Variants in ANO3 observed in about 807,000 individuals in gnomAD.
ANO3 encodes anoctamin 3.
In ANO3, 99 loss-of-function variants were observed where a neutral mutation model predicts 144.8. That is an observed-to-expected ratio of 0.68 (90% CI 0.58 to 0.81). ANO3 has a LOEUF of 0.81. Among genes scored for constraint, ANO3 ranks in the 30% least tolerant of loss-of-function variants. The probability of loss-of-function intolerance (pLI) is 0.00; values close to 1 mark genes in which losing one functional copy is unlikely to be tolerated. For synonymous variants in ANO3, 414 were observed against 392.6 expected (o/e 1.05, Z -0.64); for missense variants, 905 against 1,202.2 (o/e 0.75, Z 3.66).
At chr11:26,524,164 C>G (rs192226812) in intron 6 of ANO3, among the ~76,000 whole-genome samples, 12 of 152,004 alleles carry the variant, frequency 7.9e-5, no homozygotes, top group Admixed American at 7.9e-4. Context: ...AATATATGTA[C>G]CGGTGGTTCT....
chr11:26,472,142 A>G (rs1201860689), intron 4 of ANO3, among the ~76,000 whole-genome samples: 1 of 151,996 alleles, frequency 6.6e-6, no homozygotes, highest in African/African-American at 2.4e-5. Flanking sequence ...GGCTCAAATC[A>G]AATAGTTCTC....
intron 14 of ANO3, among the ~76,000 whole-genome samples, chr11:26,575,867 T>A (rs1434769642): frequency 6.6e-6 from 1 of 152,196 alleles, no homozygotes; most frequent in Non-Finnish European, 1.5e-5. Context: ...CCACTATATC[T>A]TTTTATCTTC....
chr11:26,220,128 C>T (rs1852112872), intron 1 of ANO3, among the ~76,000 whole-genome samples: 1 of 152,200 alleles, frequency 6.6e-6, no homozygotes, highest in Admixed American at 6.5e-5. Context: ...CTCCCTGAGC[C>T]AGGTACCTCC....
intron 4 of ANO3, among the ~76,000 whole-genome samples, chr11:26,485,675 C>T (rs377092884): frequency 5.3e-5 from 8 of 152,200 alleles, no homozygotes; most frequent in South Asian, 4.1e-4. Flanking sequence ...AATTCCCATT[C>T]GTGTCCTTTG....
intron 14 of ANO3, chr11:26,561,033 A>G: frequency 6.3e-7 from 1 of 1,591,916 alleles, no homozygotes; most frequent in Non-Finnish European, 8.6e-7. Context: ...TGTAGATGAC[A>G]CTTGCTGTTT....
At position 26,609,911 on chromosome 11, in the gene ANO3, G is replaced by GTATT. The variant is rs554066283; in HGVS notation, c.1836+10211_1836+10214dup. 3.3e-5 allele frequency among the ~76,000 whole-genome samples: 5 copies of GTATT among 152,104 alleles called. No homozygotes were observed. In the East Asian group the frequency reaches 7.7e-4, roughly 24 times the overall value. On this transcript the variant is annotated intron_variant, in intron 17 of 26. Coordinates refer to ENST00000256737, the MANE Select transcript of ANO3 (RefSeq NM_031418.4). ...ATCCTAGCCAACGCTAGTTTACTTT[G>GTATT]TATTTATTTATTTATTTGAGACGGA...
chr11:26,219,224 T>C (rs895355101), intron 1 of ANO3, among the ~76,000 whole-genome samples: 12 of 152,198 alleles, frequency 7.9e-5, no homozygotes, highest in African/African-American at 2.9e-4. Flanking sequence ...AGAACTGCTG[T>C]GCTAGATATT....
chr11:26,548,803 C>G (rs572363093), intron 12 of ANO3, among the ~76,000 whole-genome samples: 1 of 152,006 alleles, frequency 6.6e-6, no homozygotes, highest in South Asian at 2.1e-4. Flanking sequence ...TGCAAACTCA[C>G]TACCATCCTG....
intron 23 of ANO3, 42 bp from the exon 24 acceptor site, chr11:26,647,667 T>G (rs1214610939): frequency 6.4e-7 from 1 of 1,554,166 alleles, no homozygotes; most frequent in Non-Finnish European, 8.7e-7. Context: ...GGTTTTCATA[T>G]TCTTCATTTT....
At chr11:26,397,191 A>C (rs1399510210) in intron 1 of ANO3, among the ~76,000 whole-genome samples, 1 of 152,012 alleles carries the variant, frequency 6.6e-6, no homozygotes, top group African/African-American at 2.4e-5. Context: ...TTTAGTACTC[A>C]GTACTTAGTA....
chr11:26,479,499 T>C (rs537461413), intron 4 of ANO3, among the ~76,000 whole-genome samples: 5 of 152,156 alleles, frequency 3.3e-5, no homozygotes, highest in Non-Finnish European at 7.4e-5. Context: ...CAAAGTCACA[T>C]CTTGCGTGGG....
chr11:26,595,683 G>T (rs753512674), intron 14 of ANO3, among the ~76,000 whole-genome samples: 1 of 151,886 alleles, frequency 6.6e-6, no homozygotes, highest in African/African-American at 2.4e-5. Context: ...AGGTCTGATC[G>T]GACTTTGTAT....
intron 1 of ANO3, among the ~76,000 whole-genome samples, chr11:26,340,151 G>C (rs1446466316): frequency 6.6e-6 from 1 of 151,794 alleles, no homozygotes; most frequent in African/African-American, 2.4e-5. Context: ...CTGACCAAAG[G>C]CATTTCCTAA....
At chr11:26,380,662 T>G (rs1422750543) in intron 1 of ANO3, among the ~76,000 whole-genome samples, 1 of 152,136 alleles carries the variant, frequency 6.6e-6, no homozygotes, top group African/African-American at 2.4e-5. Flanking sequence ...ATATGAATTT[T>G]CAGAGAGACA....
chr11:26,600,077 G>C (rs1485976579), intron 17 of ANO3, among the ~76,000 whole-genome samples: 1 of 152,064 alleles, frequency 6.6e-6, no homozygotes, highest in Non-Finnish European at 1.5e-5. Flanking sequence ...CATTTTATGG[G>C]AAAACTTGTT....
chr11:26,660,523 G>A lies in ANO3; in HGVS notation c.*79G>A, dbSNP rs1405061899. 1 of 1,374,568 alleles carries A rather than the reference G, an allele frequency of 7.3e-7. No individual in the cohort carries two copies. The highest frequency in any genetic ancestry group is 9.9e-7 in the Non-Finnish European group (1 of 1,014,632). The allele number at this position is 1,374,568 out of a possible 1,614,324, so 85.1% of individuals were successfully genotyped here. ...AACTTTGAATGCTAGGTGAAATCTA[G>A]GAGGAAGGCATACTTGGCAAACCAC... On this transcript the variant is annotated 3_prime_UTR_variant, in exon 27 of 27. Transcript: ENST00000256737.
intron 1 of ANO3, among the ~76,000 whole-genome samples, chr11:26,318,223 G>A (rs1343861417): frequency 1.3e-5 from 2 of 152,120 alleles, no homozygotes; most frequent in African/African-American, 4.8e-5. Context: ...AAACCTGCAT[G>A]TTCTGCACAT....
At chr11:26,194,894 C>T (rs972649485) in intron 1 of ANO3, among the ~76,000 whole-genome samples, 1 of 152,022 alleles carries the variant, frequency 6.6e-6, no homozygotes, top group Non-Finnish European at 1.5e-5. Context: ...GTGTACATGA[C>T]ATATTTTGAT....
chr11:26,439,082 G>A (rs902723143), intron 1 of ANO3, among the ~76,000 whole-genome samples: 2 of 152,124 alleles, frequency 1.3e-5, no homozygotes, highest in Non-Finnish European at 2.9e-5. Context: ...CAAGTCGATG[G>A]CATTTTCAAC....
Sources: gnomAD v4.1 joint callset for allele counts (sites outside exome capture counted in the v4.1 genomes callset) on GRCh38, gnomAD v4.1.1 for gene constraint, MANE v1.5 for transcripts, NCBI Gene and HGNC (gene_info 2026-07-23, HGNC 2026-07-21) for gene names.